Variants in RCC1 observed in about 807,000 individuals in gnomAD.
The protein encoded by RCC1 is regulator of chromosome condensation 1.
Under a neutral mutation model 44.4 loss-of-function variants are expected in RCC1, and 11 were observed. That is an observed-to-expected ratio of 0.25 (90% CI 0.16 to 0.41). The LOEUF (loss-of-function observed/expected upper bound fraction) is 0.41. RCC1 is among the 10% of genes least tolerant of loss of function. The probability of loss-of-function intolerance (pLI) is 1.00; values close to 1 mark genes in which losing one functional copy is unlikely to be tolerated. For missense variants in RCC1, 386 were observed against 547.1 expected (o/e 0.71, Z 2.94); for synonymous variants, 213 against 216.5 (o/e 0.98, Z 0.14).
At position 28,536,893 on chromosome 1, in the gene RCC1, A is replaced by C. The variant is rs1664589438; in HGVS notation, c.1084A>C (p.Lys362Gln). 1 of 1,613,300 alleles carries C rather than the reference A, an allele frequency of 6.2e-7. No homozygotes were observed. Among genetic ancestry groups the C allele is most frequent in the Admixed American group, 1.7e-5 (1 of 59,862 alleles). Residue 362 changes from lysine (K) to glutamine (Q), a missense_variant, in exon 12 of 13, where the codon AAG (lysine) becomes CAG (glutamine). Coordinates refer to ENST00000683442, the MANE Select transcript of RCC1 (RefSeq NM_001381865.2). This position sits in a 1 kb window ranked among gnomAD's most constrained non-coding sequence, Gnocchi z 4.9. ...CGASVGYAVT[K>Q]DGRVFAWGMG... is the part of the protein sequence containing the mutation. ...GGCCTCTGTGGGGTATGCTGTGACC[A>C]AGGATGGTGAGTGGGGCTGCCTACA...
intron 7 of RCC1, among the ~76,000 whole-genome samples, chr1:28,533,869 TTTTTTTTTTTTTTTTTTTTTTTTTTTG>T (rs1664367249): frequency 4.6e-5 from 1 of 21,540 alleles, no homozygotes; most frequent in African/African-American, 3.7e-4. Context: ...TTTTTTTTTT[TTTTTTTTTTTTTTTTTTTTTTTTTTTG>T]AGACAGAGTC....
At chr1:28,527,205 T>C (rs1570200089) in intron 4 of RCC1, 1 of 956,754 alleles carries the variant, frequency 1.0e-6, no homozygotes, top group Non-Finnish European at 1.6e-6. Flanking sequence ...ATGCTCAGAG[T>C]AACCTTCCCA....
At chr1:28,531,685 A>G (rs1239002104) in intron 5 of RCC1, 118 bp from the exon 6 acceptor site, 1 of 752,598 alleles carries the variant, frequency 1.3e-6, no homozygotes, top group Admixed American at 3.2e-5. Context: ...GAAAGTTCAT[A>G]CTAACAGTCT....
At chr1:28,523,023 ATTTCTT>A (rs1553213106) in intron 4 of RCC1, among the ~76,000 whole-genome samples, 2 of 120,036 alleles carry the variant, frequency 1.7e-5, no homozygotes, top group Non-Finnish European at 3.5e-5. Context: ...GGCAGAAGAA[ATTTCTT>A]TTTTTTTTTT....
At chr1:28,530,516 T>G in intron 5 of RCC1, 2 of 1,600,498 alleles carry the variant, frequency 1.2e-6, no homozygotes, top group Non-Finnish European at 1.7e-6. Flanking sequence ...GTGTCTGTCT[T>G]TTGCAGACAC....
Position 28,533,875 on chromosome 1 carries a change from T to C in RCC1, c.442-1175T>C, listed in dbSNP as rs1570221084. On this transcript the variant is annotated intron_variant, in intron 7 of 12. Coordinates refer to ENST00000683442, the MANE Select transcript of RCC1 (RefSeq NM_001381865.2). ...TTTTTTTTTTTTTTTTTTTTTTTTTTTTTTTTTTTTTTTTTTTTTTGAGAC... is the reference window on the plus strand; with the variant it reads ...TTTTTTTTTTTTTTTTTTTTTTTTTCTTTTTTTTTTTTTTTTTTTTGAGAC... Among the ~76,000 whole-genome samples, 3 of 25,498 alleles carry C rather than the reference T, an allele frequency of 1.2e-4. 1 individual carries two copies. Among genetic ancestry groups the C allele is most frequent in the Non-Finnish European group, 2.0e-4 (3 of 14,652 alleles). The allele number at this position is 25,498 out of a possible 152,430, so 16.7% of individuals were successfully genotyped here.
chr1:28,527,158 T>C, intron 4 of RCC1: 1 of 1,263,964 alleles, frequency 7.9e-7, no homozygotes, highest in Non-Finnish European at 1.1e-6. Flanking sequence ...GTGGCAGAAA[T>C]GCCCCCAAGG....
In RCC1 at chr1:28,536,377, G is replaced by A. The variant is rs200055650; in HGVS notation, c.933G>A (p.Ser311=). ...GGQHHTVCMD[S]EGKAYSLGRA... is the part of the protein sequence containing the mutation. ...AGCACCATACAGTCTGCATGGATTC[G>A]GAAGGTAGGGCCTTTACGTCCTTCT... The change falls in exon 11 of 13, where the codon TCG becomes TCA. Residue 311 remains serine (S), a synonymous_variant. Transcript: ENST00000683442. The surrounding 1 kb of genome is among the most constrained non-coding windows in gnomAD (Gnocchi z 4.9). 5.2e-4 allele frequency: 843 copies of A among 1,613,478 alleles called. 2 individuals are homozygous for A. Among genetic ancestry groups the A allele is most frequent in the Non-Finnish European group, 6.8e-4 (799 of 1,179,834 alleles).
At chr1:28,537,472 T>G (rs1664625234) in intron 12 of RCC1, among the ~76,000 whole-genome samples, 1 of 152,156 alleles carries the variant, frequency 6.6e-6, no homozygotes. Context: ...GGGCTTGCAC[T>G]GTACCTTGAA....
At chr1:28,530,712 G>A (rs1557877433) in intron 5 of RCC1, 9 of 1,005,832 alleles carry the variant, frequency 8.9e-6, no homozygotes, top group South Asian at 8.3e-5. Flanking sequence ...TTGGCTGCCC[G>A]GGGCTGCGGG....
intron 3 of RCC1, 55 bp downstream of exon 3, chr1:28,508,960 G>A: frequency 2.1e-6 from 1 of 472,458 alleles, no homozygotes; most frequent in Non-Finnish European, 4.2e-6. Context: ...GGCAGACTTG[G>A]AGCAAAAGAT....
chr1:28,513,019 C>T (rs1215147160), intron 3 of RCC1, among the ~76,000 whole-genome samples: 2 of 151,528 alleles, frequency 1.3e-5, no homozygotes, highest in African/African-American at 2.4e-5. Flanking sequence ...GTGATCCACC[C>T]GCCTCGGCCT....
chr1:28,508,835 A>G lies in RCC1; in HGVS notation c.-223A>G. On this transcript the variant is annotated 5_prime_UTR_variant, in exon 3 of 13. Transcript: ENST00000683442. The stretch of plus-strand genomic sequence containing the variant: ...CATTATTTCTTTTCTTTTAGGAGAG[A>G]AGACGATCTGCACTTCGCATTTTGG... 1 of 517,466 alleles carries G rather than the reference A, an allele frequency of 1.9e-6. No individual in the cohort carries two copies. The allele number at this position is 517,466 out of a possible 1,614,324, so 32.1% of individuals were successfully genotyped here.
At chr1:28,517,384 G>T (rs1662960124) in intron 4 of RCC1, among the ~76,000 whole-genome samples, 1 of 151,900 alleles carries the variant, frequency 6.6e-6, no homozygotes, top group Admixed American at 6.6e-5. Context: ...ATTTTATCTG[G>T]TCTCTCTCAT....
Position 28,535,040 on chromosome 1 carries a change from T to A in RCC1, c.442-10T>A, listed in dbSNP as rs779128221. The A allele has an allele frequency of 3.7e-6, 6 of 1,611,492 alleles. No individual in the cohort carries two copies. The highest frequency in any genetic ancestry group is 5.1e-6 in the Non-Finnish European group (6 of 1,177,716). On this transcript the variant is annotated splice_polypyrimidine_tract_variant and intron_variant, in intron 7 of 12. Transcript: ENST00000683442. Reference sequence around the variant, plus strand: ...GACTGGCTGATAAGTGCCCTGTCCCTCCCTTCTAGGACAATAACGGTGTGA... The same window carrying A: ...GACTGGCTGATAAGTGCCCTGTCCCACCCTTCTAGGACAATAACGGTGTGA...
chr1:28,531,636 G>C (rs1031926612), intron 5 of RCC1, among the ~76,000 whole-genome samples, 167 bp from the exon 6 acceptor site: 2 of 129,194 alleles, frequency 1.5e-5, no homozygotes, highest in Non-Finnish European at 3.1e-5. Flanking sequence ...TGTGAGAGAG[G>C]TACTTTTGTT....
At chr1:28,512,683 G>A (rs986102099) in intron 3 of RCC1, among the ~76,000 whole-genome samples, 2 of 151,940 alleles carry the variant, frequency 1.3e-5, no homozygotes, top group Admixed American at 6.6e-5. Flanking sequence ...ATTCTGGTAT[G>A]TTTTGTTTTC....
intron 4 of RCC1, among the ~76,000 whole-genome samples, chr1:28,522,688 G>A (rs2124633934): frequency 6.6e-6 from 1 of 152,016 alleles, no homozygotes; most frequent in Non-Finnish European, 1.5e-5. Flanking sequence ...GGTGGTACAT[G>A]CCTGTAGTCC....
intron 2 of RCC1, chr1:28,508,457 A>G (rs1662210151): frequency 2.3e-6 from 1 of 426,692 alleles, no homozygotes; most frequent in Non-Finnish European, 4.8e-6. Context: ...CTTTATCTAC[A>G]TGTGTAGCCT....
Sources: gnomAD v4.1 joint callset for allele counts (sites outside exome capture counted in the v4.1 genomes callset) on GRCh38, gnomAD v4.1.1 for gene constraint, Gnocchi (gnomAD v3.1) non-coding constraint, MANE v1.5 for transcripts, NCBI Gene and HGNC (gene_info 2026-07-23, HGNC 2026-07-21) for gene names.